The following LGI4 variants were observed in gnomAD, a reference collection of about 807,000 sequenced individuals.
LGI4 encodes the protein leucine-rich repeat LGI family member 4.
Under a neutral mutation model 48.3 loss-of-function variants are expected in LGI4, and 36 were observed. The ratio of observed to expected loss-of-function variants is 0.75; its 90% CI spans 0.57 to 0.98. LGI4 has a LOEUF of 0.98. LGI4 is among the 50% of genes least tolerant of loss of function. The pLI is 0.00. For missense variants in LGI4, 701 were observed against 732.1 expected, an observed-to-expected ratio of 0.96 and a Z score of 0.49; for synonymous variants, 355 against 331.6, an observed-to-expected ratio of 1.07 and a Z score of -0.77.
chr19:35,126,305 A>G lies in LGI4; in HGVS notation c.1264T>C (p.Phe422Leu), dbSNP rs1360322530. 1 of 1,612,012 alleles carries G rather than the reference A, an allele frequency of 6.2e-7. No homozygotes were observed. Among genetic ancestry groups the G allele is most frequent in the Non-Finnish European group, 8.5e-7 (1 of 1,179,570 alleles). Residue 422 changes from phenylalanine to leucine, a missense_variant, in exon 8 of 9, where the codon TTC (phenylalanine) becomes CTC (leucine). Phe to Leu is a conservative substitution (Grantham distance 22, BLOSUM62 0). Around this residue, in one of 3 missense-constraint regions of LGI4, gnomAD observed 223 missense variants for 263.3 expected, o/e 0.85. Coordinates refer to ENST00000310123, the MANE Select transcript of LGI4 (RefSeq NM_139284.3). ...TRHFQAGGDV[F>L]LCLTRYIGDS... The stretch of plus-strand genomic sequence containing the variant: ...CCAATGTAGCGTGTGAGGCACAGGA[A>G]CACGTCCCCACCAGCCTGGAAGTGG...
intron 6 of LGI4, among the ~76,000 whole-genome samples, chr19:35,130,119 C>G (rs1416325421): frequency 6.6e-6 from 1 of 152,136 alleles, no homozygotes; most frequent in African/African-American, 2.4e-5. Context: ...CCACCATTAC[C>G]CTATAGTCCT....
rs1632457 is a variant in LGI4, at chr19:35,126,049, T to C, written c.1299+221A>G. The C allele has an allele frequency of 0.36, 219,151 of 600,492 alleles. 41,914 individuals carry two copies. The highest frequency in any genetic ancestry group is 0.56 in the South Asian group (28,202 of 50,678). The allele number at this position is 600,492 out of a possible 1,614,324, so 37.2% of individuals were successfully genotyped here. A position where few individuals can be genotyped will look rare whatever the true frequency, so the allele number is the denominator to read the frequency against. On this transcript the variant is annotated intron_variant, in intron 8 of 8. Transcript: ENST00000310123. ...TGCATCCGAGTCACAGAGCCAGCAT[T>C]TGGGGGTAGAATCAGGATGTTGGGG...
At chr19:35,132,163 G>A (rs897814875) in intron 3 of LGI4, 121 bp from the exon 4 acceptor site, 1 of 842,720 alleles carries the variant, frequency 1.2e-6, no homozygotes, top group Non-Finnish European at 1.9e-6. Flanking sequence ...CAATCCCAGG[G>A]AAAGCCTCTC....
Position 35,134,583 on chromosome 19 carries a change from C to T in LGI4, c.98G>A (p.Cys33Tyr). The change falls in exon 1 of 9, where the codon TGC (cysteine) becomes TAC (tyrosine). Residue 33 changes from cysteine to tyrosine, a missense_variant. Cys to Tyr is a radical substitution (Grantham distance 194, BLOSUM62 -2). Around this residue, in one of 3 missense-constraint regions of LGI4, gnomAD observed 462 missense variants for 436.4 expected, o/e 1.06. Transcript: ENST00000310123. ...PKGKCPLRCS[C>Y]SKDSALCEGS... ...CTCACACAGGGCGCTGTCTTTAGAG[C>T]AGGAGCAGCGCAGGGGACACTTTCC... is the stretch of plus-strand genomic sequence containing the variant. 1 of 1,585,312 alleles carries T rather than the reference C, an allele frequency of 6.3e-7. No homozygotes were observed. Among genetic ancestry groups the T allele is most frequent in the Non-Finnish European group, 8.6e-7 (1 of 1,166,248 alleles).
rs1266930683 is a variant in LGI4, at chr19:35,126,839, G to A, written c.793+14C>T. On this transcript the variant is annotated intron_variant, in intron 7 of 8. Transcript: ENST00000310123. ...AGGCTGCTGGACAGGCAGAAGGACG[G>A]GGAGGGGGCTCACCGGGCAGCTCTT... 3 of 1,606,940 alleles carry A rather than the reference G, an allele frequency of 1.9e-6. No individual in the cohort carries two copies. The highest frequency in any genetic ancestry group is 2.7e-5 in the African/African-American group (2 of 74,872).
chr19:35,125,772 CT>C, intron 8 of LGI4: 1 of 660,630 alleles, frequency 1.5e-6, no homozygotes, highest in Non-Finnish European at 2.8e-6. Context: ...TCTGGCTGAA[CT>C]CCATCCCCTC....
Position 35,125,486 on chromosome 19 carries a change from T to G in LGI4, c.1321A>C (p.Met441Leu), listed in dbSNP as rs746282471. 1 of 1,575,214 alleles carries G rather than the reference T, an allele frequency of 6.3e-7. No individual in the cohort carries two copies. The highest frequency in any genetic ancestry group is 8.6e-7 in the Non-Finnish European group (1 of 1,158,394). Residue 441 changes from methionine (M) to leucine (L), a missense_variant, in exon 9 of 9, where the codon ATG becomes CTG. Coordinates refer to ENST00000310123, the MANE Select transcript of LGI4 (RefSeq NM_139284.3). ...DSMVMRWDGS[M>L]FRLLQQLPSR... Reference sequence around the variant, plus strand: ...GGAAGTTGCTGCAGCAGACGAAACATGGAGCCGTCCCAGCGCATGACCTGT... The same window carrying G: ...GGAAGTTGCTGCAGCAGACGAAACAGGGAGCCGTCCCAGCGCATGACCTGT...
chr19:35,125,456 G>C lies in LGI4; in HGVS notation c.1351C>G (p.Arg451Gly). ...AGTGGCTGGAAGACGTGGGCACCGC[G>C]CGAGGGAAGTTGCTGCAGCAGACGA... ...MFRLLQQLPSRGAHVFQPLLI... is the reference protein window; with the variant it reads ...MFRLLQQLPSGGAHVFQPLLI... Residue 451 changes from arginine (R) to glycine (G), a missense_variant, in exon 9 of 9, where the codon CGC becomes GGC. By Grantham distance (125) the Arg-to-Gly change is moderately radical. This residue lies in a region of LGI4 where 223 missense variants were observed against 263.3 expected (regional missense o/e 0.85). Transcript: ENST00000310123. 1 of 1,596,704 alleles carries C rather than the reference G, an allele frequency of 6.3e-7. No homozygotes were observed. Among genetic ancestry groups the C allele is most frequent in the Non-Finnish European group, 8.5e-7 (1 of 1,170,462 alleles).
In LGI4 at chr19:35,126,250, GC is replaced by G; in HGVS notation, c.1299+19del. ...GTCAGTGCTGAAAAGCCAGCCCCCC[GC>G]CCCCAGGCCCAGCCTCACCATGGAG... is the stretch of plus-strand genomic sequence containing the variant. On this transcript the variant is annotated intron_variant, in intron 8 of 8. Coordinates refer to ENST00000310123, the MANE Select transcript of LGI4 (RefSeq NM_139284.3). 6.2e-7 allele frequency: 1 copy of G among 1,606,812 alleles called. No homozygotes were observed. Among genetic ancestry groups the G allele is most frequent in the Non-Finnish European group, 8.5e-7 (1 of 1,176,854 alleles).
At position 35,134,788 on chromosome 19, in the gene LGI4, G is replaced by A. The variant is rs1027224570; in HGVS notation, c.-108C>T. 29 of 605,244 alleles carry A rather than the reference G, an allele frequency of 4.8e-5. No individual in the cohort carries two copies. The highest frequency in any genetic ancestry group is 7.1e-5 in the Non-Finnish European group (25 of 350,216). The allele number at this position is 605,244 out of a possible 1,614,324, so 37.5% of individuals were successfully genotyped here. A position where few individuals can be genotyped will look rare whatever the true frequency, so the allele number is the denominator to read the frequency against. ...CCGCCCTCCATCCGCCTGCTGGCAC[G>A]CTCGGCCCTGGCTTCTCTCTCCTCT... is the stretch of plus-strand genomic sequence containing the variant. On this transcript the variant is annotated 5_prime_UTR_variant, in exon 1 of 9. Coordinates refer to ENST00000310123, the MANE Select transcript of LGI4 (RefSeq NM_139284.3).
chr19:35,131,769 C>T lies in LGI4; in HGVS notation c.458+20G>A, dbSNP rs1475755992. On this transcript the variant is annotated intron_variant, in intron 5 of 8. Transcript: ENST00000310123. ...AAACATTCCCCAACCCCCCACATTC[C>T]CAGCCCCCATGAGCCTCACACATGA... 2.5e-5 allele frequency: 38 copies of T among 1,536,124 alleles called. No homozygotes were observed. The highest frequency in any genetic ancestry group is 3.3e-5 in the Non-Finnish European group (37 of 1,132,372).
Position 35,127,028 on chromosome 19 carries a change from A to T in LGI4, c.629-11T>A. 1 of 1,572,440 alleles carries T rather than the reference A, an allele frequency of 6.4e-7. No homozygotes were observed. Among genetic ancestry groups the T allele is most frequent in the Non-Finnish European group, 8.7e-7 (1 of 1,154,910 alleles). On this transcript the variant is annotated splice_polypyrimidine_tract_variant and intron_variant, in intron 6 of 8. Transcript: ENST00000310123. ...GGAACCAGGACAGCTCTGTGGGTGGAGAAGAGAGTCAGGCAGGCCCCAGGA... is the reference window on the plus strand; with the variant it reads ...GGAACCAGGACAGCTCTGTGGGTGGTGAAGAGAGTCAGGCAGGCCCCAGGA...
chr19:35,133,920 C>T, intron 2 of LGI4, 113 bp downstream of exon 2: 1 of 1,289,476 alleles, frequency 7.8e-7, no homozygotes, highest in Non-Finnish European at 1.1e-6. Flanking sequence ...GCATACACCC[C>T]CACACACGTG....
At chr19:35,134,203 C>A in intron 1 of LGI4, 99 bp from the exon 2 acceptor site, 2 of 1,128,312 alleles carry the variant, frequency 1.8e-6, no homozygotes, top group Non-Finnish European at 2.6e-6. Flanking sequence ...GCGTGCCACC[C>A]TGACCCTGGA....
At chr19:35,133,837 C>T (rs2065191364) in intron 2 of LGI4, 73 bp from the exon 3 acceptor site, 3 of 1,508,210 alleles carry the variant, frequency 2.0e-6, no homozygotes, top group Admixed American at 3.9e-5. Flanking sequence ...TGGCCTCCAC[C>T]CTCAGCCTAG....
chr19:35,133,441 A>G, intron 3 of LGI4: 1 of 1,328,678 alleles, frequency 7.5e-7, no homozygotes, highest in Non-Finnish European at 9.6e-7. Flanking sequence ...GGCCCTTTGT[A>G]GATCTTGAAG....
intron 6 of LGI4, chr19:35,131,001 A>G (rs376671855): frequency 5.5e-5 from 31 of 559,054 alleles, no homozygotes; most frequent in African/African-American, 5.4e-4. Context: ...AACAAAATCT[A>G]TTTATAGAAA....
chr19:35,132,726 A>G (rs909198217), intron 3 of LGI4, among the ~76,000 whole-genome samples: 1 of 152,060 alleles, frequency 6.6e-6, no homozygotes, highest in Non-Finnish European at 1.5e-5. Context: ...CCAACAACAC[A>G]ATCTTCATGA....
chr19:35,134,567 G>A lies in LGI4; in HGVS notation c.114C>T (p.Ala38=). 1 of 1,584,964 alleles carries A rather than the reference G, an allele frequency of 6.3e-7. No homozygotes were observed. The highest frequency in any genetic ancestry group is 8.6e-7 in the Non-Finnish European group (1 of 1,166,226). Residue 38 remains alanine (A), a synonymous_variant, in exon 1 of 9, where the codon GCC becomes GCT. Coordinates refer to ENST00000310123, the MANE Select transcript of LGI4 (RefSeq NM_139284.3). ...PLRCSCSKDS[A]LCEGSPDLPV... is the part of the protein sequence containing the mutation. ...GCAGGTCCGGGGAGCCCTCACACAG[G>A]GCGCTGTCTTTAGAGCAGGAGCAGC...
Sources: gnomAD v4.1 joint callset for allele counts (sites outside exome capture counted in the v4.1 genomes callset) on GRCh38, gnomAD v4.1.1 for gene constraint, gnomAD v4.1.1 regional missense constraint, MANE v1.5 for transcripts, NCBI Gene and HGNC (gene_info 2026-07-23, HGNC 2026-07-21) for gene names.